The following SERPINE2 variants were observed in gnomAD, a reference collection of about 807,000 sequenced individuals.
The protein encoded by SERPINE2 is serpin family E member 2.
SERPINE2 carries 14 observed loss-of-function variants against 36.3 expected under a neutral mutation model. That is an observed-to-expected ratio of 0.39 (90% CI 0.25 to 0.60). SERPINE2 has a LOEUF of 0.60. Among genes scored for constraint, SERPINE2 ranks in the 20% least tolerant of loss-of-function variants. The pLI is 0.57. For missense variants in SERPINE2, 418 were observed against 499.6 expected (o/e 0.84, Z 1.56); for synonymous variants, 192 against 191.8 (o/e 1.00, Z -0.01).
intron 1 of SERPINE2, among the ~76,000 whole-genome samples, chr2:224,025,722 C>T (rs1266051079): frequency 6.6e-6 from 1 of 152,186 alleles, no homozygotes; most frequent in Non-Finnish European, 1.5e-5. Context: ...GCCTATCACA[C>T]AGCACTTTTC....
Position 223,980,485 on chromosome 2 carries a change from A to G in SERPINE2, c.986-88T>C, listed in dbSNP as rs751899177. On this transcript the variant is annotated intron_variant, in intron 6 of 8. Coordinates refer to ENST00000409304, the MANE Select transcript of SERPINE2 (RefSeq NM_001136528.2). ...GGAAGTAACCTCAAAGCTCAAAGCC[A>G]TGGCAAATTCCAATTTTTAAAGTGT... The G allele has an allele frequency of 9.7e-5, 113 of 1,159,432 alleles. 1 individual carries two copies. In the Middle Eastern group the frequency reaches 0.015, roughly 151 times the overall value. The allele number at this position is 1,159,432 out of a possible 1,614,324, so 71.8% of individuals were successfully genotyped here.
At chr2:224,031,206 C>G (rs539874880) in intron 1 of SERPINE2, 1 of 985,430 alleles carries the variant, frequency 1.0e-6, no homozygotes, top group East Asian at 1.1e-4. Flanking sequence ...CACATAAAGG[C>G]TGTGCGACCC....
chr2:223,980,498 AT>A, intron 6 of SERPINE2, 101 bp from the exon 7 acceptor site: 1 of 970,582 alleles, frequency 1.0e-6, no homozygotes, highest in Non-Finnish European at 1.6e-6. Flanking sequence ...GCAAATTCCA[AT>A]TTTTAAAGTG....
rs1198910608 is a variant in SERPINE2 at position 224,022,336 on chromosome 2, A to G, written c.-23+16763T>C. Among the ~76,000 whole-genome samples the G allele has an allele frequency of 4.0e-3, 5 of 1,248 alleles. No individual in the cohort carries two copies. The Non-Finnish European group carries it at 0.14, about 34-fold the overall frequency. The allele number at this position is 1,248 out of a possible 152,430, so 0.8% of individuals were successfully genotyped here. ...GATAGAGTGAGACCCTGTCTCAAGA[A>G]AAAAAAAAAAAAAAAATTTAAAGTT... On this transcript the variant is annotated intron_variant, in intron 1 of 8. Transcript: ENST00000409304.
intron 1 of SERPINE2, among the ~76,000 whole-genome samples, chr2:224,024,989 C>G (rs4674855): frequency 0.92 from 139,939 of 152,224 alleles, 65,147 homozygotes; most frequent in Non-Finnish European, 0.99. Flanking sequence ...TGATCCCCAA[C>G]AATGGGGCTG....
Position 224,039,014 on chromosome 2 carries a change from C to G in SERPINE2, c.-23+85G>C, listed in dbSNP as rs1355984637. 2.0e-5 allele frequency: 3 copies of G among 151,894 alleles called. No individual in the cohort carries two copies. Among genetic ancestry groups the G allele is most frequent in the African/African-American group, 7.3e-5 (3 of 41,348 alleles). 9.4% of individuals were successfully genotyped at this position (151,894 alleles called of 1,614,324 possible). On this transcript the variant is annotated intron_variant, in intron 1 of 8. Coordinates refer to ENST00000409304, the MANE Select transcript of SERPINE2 (RefSeq NM_001136528.2). This position sits in a 1 kb window ranked among gnomAD's most constrained non-coding sequence, Gnocchi z 5.2. ...CGGGCGCAAGGTCAGGGAGCAGGGC[C>G]GGTGGCGCGCGGAGCCCCGGGGAGC...
intron 8 of SERPINE2, 104 bp downstream of exon 8, chr2:223,977,440 T>TA: frequency 1.3e-6 from 1 of 765,248 alleles, no homozygotes; most frequent in Non-Finnish European, 2.4e-6. Context: ...CTATTGACAT[T>TA]AGGGAAATGG....
At chr2:224,030,793 T>G (rs988848295) in intron 1 of SERPINE2, 17 of 189,290 alleles carry the variant, frequency 9.0e-5, no homozygotes, top group African/African-American at 4.0e-4. Flanking sequence ...GGCACACTTG[T>G]TCTGTGATTC....
At chr2:224,031,967 A>T (rs189598765) in intron 1 of SERPINE2, among the ~76,000 whole-genome samples, 3 of 152,302 alleles carry the variant, frequency 2.0e-5, no homozygotes, top group Admixed American at 6.5e-5. Flanking sequence ...TCAGGGCCAG[A>T]GTCACCTCTC....
chr2:223,999,312 G>A (rs552172342), intron 2 of SERPINE2, among the ~76,000 whole-genome samples: 1 of 152,252 alleles, frequency 6.6e-6, no homozygotes, highest in East Asian at 1.9e-4. Flanking sequence ...TAAGTTATAA[G>A]GATGAAATGT....
intron 4 of SERPINE2, among the ~76,000 whole-genome samples, chr2:223,986,920 G>A (rs552425202): frequency 1.2e-3 from 175 of 152,166 alleles, no homozygotes; most frequent in African/African-American, 3.8e-3. Flanking sequence ...TCAGACATAC[G>A]CATGCTTACC....
intron 1 of SERPINE2, among the ~76,000 whole-genome samples, chr2:224,019,436 C>A (rs1020386951): frequency 2.0e-5 from 3 of 152,134 alleles, no homozygotes; most frequent in Admixed American, 1.3e-4. Flanking sequence ...GTTTACAGAA[C>A]GTGGTTGGTT....
intron 3 of SERPINE2, among the ~76,000 whole-genome samples, chr2:223,996,151 C>T (rs899036560): frequency 5.9e-5 from 9 of 152,156 alleles, no homozygotes; most frequent in African/African-American, 2.2e-4. Flanking sequence ...TCTCCAGGTG[C>T]TCTGAAGACT....
chr2:223,980,631 A>C (rs1690195284), intron 6 of SERPINE2: 1 of 468,160 alleles, frequency 2.1e-6, no homozygotes, highest in African/African-American at 2.0e-5. Context: ...CAGGCCCTCA[A>C]ATGATTTAGT....
intron 1 of SERPINE2, among the ~76,000 whole-genome samples, chr2:224,037,468 T>C (rs1386413968): frequency 6.6e-6 from 1 of 152,200 alleles, no homozygotes; most frequent in Non-Finnish European, 1.5e-5. Flanking sequence ...ACTTGGTAGC[T>C]GGAGTACATG....
chr2:223,977,651 G>A, intron 7 of SERPINE2, 24 bp from the exon 8 acceptor site: 1 of 1,528,210 alleles, frequency 6.5e-7, no homozygotes, highest in Admixed American at 1.7e-5. Context: ...AGGAAAATGT[G>A]TTGTGCACAT....
chr2:224,031,560 C>T, intron 1 of SERPINE2: 1 of 950,634 alleles, frequency 1.1e-6, no homozygotes, highest in South Asian at 4.9e-5. Context: ...GGCATGTGAC[C>T]ACGTGACCTA....
At chr2:223,993,040 G>A (rs910705047) in intron 3 of SERPINE2, among the ~76,000 whole-genome samples, 9 of 152,034 alleles carry the variant, frequency 5.9e-5, no homozygotes, top group Non-Finnish European at 1.2e-4. Flanking sequence ...TGGGAGGGTC[G>A]CCCGAGCCCA....
At chr2:224,001,546 G>A (rs1037948844) in intron 2 of SERPINE2, 96 bp downstream of exon 2, 2 of 1,433,064 alleles carry the variant, frequency 1.4e-6, no homozygotes, top group African/African-American at 2.8e-5. Context: ...TGGCTGCTCT[G>A]CTTCTTGGGG....
Sources: allele counts gnomAD v4.1 joint callset (sites outside exome capture counted in the v4.1 genomes callset), GRCh38; gene constraint gnomAD v4.1.1; non-coding constraint Gnocchi (gnomAD v3.1); transcripts MANE v1.5; gene names NCBI Gene and HGNC (gene_info 2026-07-23, HGNC 2026-07-21).